PTPRZ1: variants seen among roughly 807,000 people sequenced by gnomAD.
PTPRZ1 encodes protein tyrosine phosphatase receptor type Z1, also known as receptor-type tyrosine-protein phosphatase zeta.
A neutral mutation model predicts 214.1 loss-of-function variants in PTPRZ1; 82 were observed. The ratio of observed to expected loss-of-function variants is 0.38; its 90% CI spans 0.32 to 0.46. The LOEUF (loss-of-function observed/expected upper bound fraction) is 0.46, where lower values mean the gene tolerates loss of function less well. Among genes scored for constraint, PTPRZ1 ranks in the 20% least tolerant of loss-of-function variants. The pLI is 1.00. For synonymous variants in PTPRZ1, 945 were observed against 987.9 expected (o/e 0.96, Z 0.81); for missense variants, 2,603 against 2,748.7 (o/e 0.95, Z 1.19).
chr7:121,957,391 C>T (rs367630637), intron 2 of PTPRZ1, among the ~76,000 whole-genome samples: 2 of 152,046 alleles, frequency 1.3e-5, no homozygotes, highest in Non-Finnish European at 2.9e-5. Flanking sequence ...CAGCGTTGCA[C>T]GAGCTTTGGT....
chr7:122,031,247 G>A (rs1443592599), intron 14 of PTPRZ1, among the ~76,000 whole-genome samples: 1 of 151,956 alleles, frequency 6.6e-6, no homozygotes, highest in Non-Finnish European at 1.5e-5. Context: ...TTTATCTTTA[G>A]GTATAGATGG....
At chr7:121,971,583 A>T (rs886859076) in intron 3 of PTPRZ1, among the ~76,000 whole-genome samples, 4 of 152,176 alleles carry the variant, frequency 2.6e-5, no homozygotes, top group Non-Finnish European at 5.9e-5. Context: ...CTGTGACTCA[A>T]TTTCCTCATC....
chr7:121,988,043 A>T (rs1797818119), intron 8 of PTPRZ1, among the ~76,000 whole-genome samples: 1 of 152,184 alleles, frequency 6.6e-6, no homozygotes, highest in Non-Finnish European at 1.5e-5. Flanking sequence ...GGGTGAGTTA[A>T]AAAGTCTCCC....
intron 13 of PTPRZ1, among the ~76,000 whole-genome samples, chr7:122,020,524 G>C (rs1147503): frequency 0.062 from 9,361 of 152,208 alleles, 511 homozygotes; most frequent in African/African-American, 0.15. Flanking sequence ...CAAAGATCGG[G>C]AAGTAGAAAT....
intron 26 of PTPRZ1, among the ~76,000 whole-genome samples, chr7:122,054,365 A>G (rs1792285651): frequency 6.6e-6 from 1 of 152,140 alleles, no homozygotes; most frequent in Non-Finnish European, 1.5e-5. Context: ...AAAATGTGTT[A>G]GAATATTTAG....
In PTPRZ1 at chr7:121,992,735, CACTA is replaced by C. The variant is rs1273093364; in HGVS notation, c.929-3646_929-3643del. Among the ~76,000 whole-genome samples the C allele has an allele frequency of 8.7e-5, 11 of 127,070 alleles. No homozygotes were observed. In the Admixed American group the frequency reaches 9.0e-4, roughly 10 times the overall value. 83.4% of individuals were successfully genotyped at this position (127,070 alleles called of 152,430 possible). On this transcript the variant is annotated intron_variant, in intron 8 of 29. Coordinates refer to ENST00000393386, the MANE Select transcript of PTPRZ1 (RefSeq NM_002851.3). ...GGAATGAGCATCCTAAAGGCTGAGA[CACTA>C]TCTTCTTCTTCTGTATGTCTAGAGT...
chr7:122,000,868 TAG>T, intron 10 of PTPRZ1, among the ~76,000 whole-genome samples: 1 of 151,366 alleles, frequency 6.6e-6, no homozygotes, highest in African/African-American at 2.4e-5. Flanking sequence ...GTATTTTTAG[TAG>T]AGACGGGGTT....
At chr7:121,935,285 C>G (rs906666091) in intron 2 of PTPRZ1, among the ~76,000 whole-genome samples, 3 of 152,006 alleles carry the variant, frequency 2.0e-5, no homozygotes, top group Non-Finnish European at 4.4e-5. Flanking sequence ...GTTAAAATTG[C>G]ATAGATTCTT....
chr7:122,039,656 C>T (rs972524157), intron 20 of PTPRZ1, 68 bp downstream of exon 20: 13 of 1,549,894 alleles, frequency 8.4e-6, no homozygotes, highest in African/African-American at 1.4e-5. Context: ...AGTGAATAAG[C>T]GATAGAACCA....
intron 2 of PTPRZ1, among the ~76,000 whole-genome samples, chr7:121,956,960 T>TA (rs373936533): frequency 8.4e-4 from 128 of 151,662 alleles, no homozygotes; most frequent in Non-Finnish European, 1.6e-3. Context: ...CAACATAGCT[T>TA]AAAAAAAAAG....
At chr7:121,890,121 A>C (rs1794541553) in intron 1 of PTPRZ1, among the ~76,000 whole-genome samples, 1 of 152,072 alleles carries the variant, frequency 6.6e-6, no homozygotes, top group Admixed American at 6.6e-5. Flanking sequence ...ATAACTCCCA[A>C]ATTTGTCTTT....
intron 11 of PTPRZ1, among the ~76,000 whole-genome samples, chr7:122,007,769 A>T (rs1460828253): frequency 6.6e-6 from 1 of 152,208 alleles, no homozygotes; most frequent in Non-Finnish European, 1.5e-5. Context: ...GTGAAGGATA[A>T]CATATGACAC....
intron 2 of PTPRZ1, among the ~76,000 whole-genome samples, chr7:121,960,170 C>G (rs893257285): frequency 1.3e-5 from 2 of 152,186 alleles, no homozygotes; most frequent in African/African-American, 2.4e-5. Flanking sequence ...TCCCGATTAG[C>G]TGTAATTACG....
intron 13 of PTPRZ1, among the ~76,000 whole-genome samples, chr7:122,024,356 C>T (rs1219811338): frequency 6.6e-6 from 1 of 151,764 alleles, no homozygotes; most frequent in Admixed American, 6.6e-5. Context: ...TAGAAAAGGA[C>T]TTCACATAAA....
chr7:122,029,081 T>A (rs530601989), intron 14 of PTPRZ1, among the ~76,000 whole-genome samples: 2 of 151,104 alleles, frequency 1.3e-5, no homozygotes, highest in South Asian at 4.2e-4. Context: ...TTACTTGAGT[T>A]TATGTGAGAA....
chr7:121,912,369 C>A (rs1795304481), intron 1 of PTPRZ1, among the ~76,000 whole-genome samples: 1 of 152,106 alleles, frequency 6.6e-6, no homozygotes, highest in South Asian at 2.1e-4. Context: ...CCAGGAATCT[C>A]TTTTTATTCA....
Position 121,908,682 on chromosome 7 carries a change from A to T in PTPRZ1, c.59-19474A>T. 1.1e-5 allele frequency: 5 copies of T among 470,322 alleles called. 1 individual carries two copies. The highest frequency in any genetic ancestry group is 8.0e-5 in the South Asian group (5 of 62,674). 29.1% of individuals were successfully genotyped at this position (470,322 alleles called of 1,614,324 possible). On this transcript the variant is annotated intron_variant, in intron 1 of 29. Coordinates refer to ENST00000393386, the MANE Select transcript of PTPRZ1 (RefSeq NM_002851.3). Reference sequence around the variant, plus strand: ...AAATTAAAAACTTGAATAAATTGCTATTCAAAATGGGTTATTGAATAATTT... The same window carrying T: ...AAATTAAAAACTTGAATAAATTGCTTTTCAAAATGGGTTATTGAATAATTT...
chr7:121,958,728 G>A (rs943971976), intron 2 of PTPRZ1, among the ~76,000 whole-genome samples: 8 of 152,022 alleles, frequency 5.3e-5, no homozygotes, highest in Non-Finnish European at 8.8e-5. Context: ...TGTCCCCGTC[G>A]GGATTTTAGA....
intron 8 of PTPRZ1, among the ~76,000 whole-genome samples, chr7:121,985,785 G>A (rs1205438415): frequency 6.6e-6 from 1 of 152,184 alleles, no homozygotes; most frequent in Non-Finnish European, 1.5e-5. Context: ...CTCCTCTGGA[G>A]GTTGTACGAT....
Sources: allele counts gnomAD v4.1 joint callset (sites outside exome capture counted in the v4.1 genomes callset), GRCh38; gene constraint gnomAD v4.1.1; transcripts MANE v1.5; gene names NCBI Gene and HGNC (gene_info 2026-07-23, HGNC 2026-07-21).